Variants in BRF1 observed in about 807,000 individuals in gnomAD.
The protein encoded by BRF1 is BRF1 general transcription factor IIIB subunit.
BRF1 carries 59 observed loss-of-function variants against 81.7 expected under a neutral mutation model. The observed-to-expected ratio is 0.72, with a 90% CI of 0.59 to 0.90. BRF1 has a LOEUF of 0.90. Ranked by LOEUF, BRF1 falls within the 40% of genes least tolerant of loss-of-function variation. The pLI is 0.00. For missense variants in BRF1, 1,050 were observed against 936.3 expected, an observed-to-expected ratio of 1.12 and a Z score of -1.58; for synonymous variants, 491 against 395.6, an observed-to-expected ratio of 1.24 and a Z score of -2.86.
At position 105,219,004 on chromosome 14, in the gene BRF1, T is replaced by C. The variant is rs1478219513; in HGVS notation, c.1509A>G (p.Glu503=). 7.4e-6 allele frequency: 12 copies of C among 1,613,670 alleles called. No homozygotes were observed. Among genetic ancestry groups the C allele is most frequent in the African/African-American group, 4.0e-5 (3 of 74,912 alleles). ...AKEKELGIYK[E]HKPKKSCKRR... is the part of the protein sequence containing the mutation. Reference sequence around the variant, plus strand: ...CAGCGTCACAGGCGCCCACCTTGTGTTCCTTGTAGATGCCGAGCTCCTTCT... The same window carrying C: ...CAGCGTCACAGGCGCCCACCTTGTGCTCCTTGTAGATGCCGAGCTCCTTCT... The change falls in exon 14 of 18, where the codon GAA becomes GAG. Residue 503 remains glutamate, a synonymous_variant. Coordinates refer to ENST00000547530, the MANE Select transcript of BRF1 (RefSeq NM_001519.4).
At chr14:105,281,613 T>A (rs2057108280) in intron 2 of BRF1, among the ~76,000 whole-genome samples, 1 of 152,112 alleles carries the variant, frequency 6.6e-6, no homozygotes, top group South Asian at 2.1e-4. Flanking sequence ...TGACTGCAGC[T>A]CGTGCACCAC....
At position 105,210,791 on chromosome 14, in the gene BRF1, C is replaced by T. The variant is rs866877236; in HGVS notation, c.1997-203G>A. 6.6e-6 allele frequency among the ~76,000 whole-genome samples: 1 copy of T among 152,092 alleles called. No individual in the cohort carries two copies. The highest frequency in any genetic ancestry group is 1.5e-5 in the Non-Finnish European group (1 of 68,016). ...GCACCCAGAGCAGGGCCTTGCTCCTCGTCGAGGGCACCTGAGAGCAGTGTG... is the reference window on the plus strand; with the variant it reads ...GCACCCAGAGCAGGGCCTTGCTCCTTGTCGAGGGCACCTGAGAGCAGTGTG... On this transcript the variant is annotated intron_variant, in intron 17 of 17. Coordinates refer to ENST00000547530, the MANE Select transcript of BRF1 (RefSeq NM_001519.4). This position sits in a 1 kb window ranked among gnomAD's most constrained non-coding sequence, Gnocchi z 4.7.
intron 15 of BRF1, among the ~76,000 whole-genome samples, chr14:105,215,592 G>GCA (rs1187388295): frequency 2.6e-5 from 3 of 115,648 alleles, no homozygotes; most frequent in African/African-American, 6.8e-5. Context: ...AGACACAGGC[G>GCA]CACACACACT....
intron 4 of BRF1, chr14:105,256,259 T>C: frequency 6.5e-7 from 1 of 1,543,772 alleles, no homozygotes; most frequent in Non-Finnish European, 8.7e-7. Context: ...CACCCAGGCC[T>C]AGCTAACACC....
intron 1 of BRF1, among the ~76,000 whole-genome samples, chr14:105,288,363 A>T (rs1164786150): frequency 1.3e-5 from 2 of 151,874 alleles, no homozygotes; most frequent in African/African-American, 4.8e-5. Flanking sequence ...GAGGCAGGAG[A>T]ATCGCTTGAA....
chr14:105,226,891 T>C, intron 7 of BRF1, 131 bp from the exon 8 acceptor site: 1 of 1,392,496 alleles, frequency 7.2e-7, no homozygotes, highest in Non-Finnish European at 9.8e-7. Flanking sequence ...GGTGGATTGC[T>C]TGAGTCCAAG....
chr14:105,263,057 G>A (rs1261891368), intron 3 of BRF1, among the ~76,000 whole-genome samples: 1 of 151,912 alleles, frequency 6.6e-6, no homozygotes, highest in Non-Finnish European at 1.5e-5. Context: ...TGGCCAATAT[G>A]GTGAAACCCT....
At chr14:105,281,243 G>A (rs111346578) in intron 2 of BRF1, among the ~76,000 whole-genome samples, 3 of 142,960 alleles carry the variant, frequency 2.1e-5, no homozygotes, top group African/African-American at 2.6e-5. Flanking sequence ...GAGCCCGGGT[G>A]TGTGGATACA....
intron 4 of BRF1, among the ~76,000 whole-genome samples, chr14:105,253,617 A>C (rs139449584): frequency 7.9e-5 from 12 of 152,318 alleles, no homozygotes; most frequent in African/African-American, 1.2e-4. Context: ...GAGGCAAGAG[A>C]CAGAGGCAAG....
chr14:105,312,821 G>T (rs938168118), intron 1 of BRF1, among the ~76,000 whole-genome samples: 7 of 152,216 alleles, frequency 4.6e-5, no homozygotes, highest in African/African-American at 1.7e-4. Flanking sequence ...GTGGTCGCAG[G>T]CGTGACACAT....
chr14:105,313,236 G>A (rs1025157802), intron 1 of BRF1, among the ~76,000 whole-genome samples: 7 of 152,208 alleles, frequency 4.6e-5, no homozygotes, highest in African/African-American at 9.7e-5. Flanking sequence ...CAGCAGCGCC[G>A]TACGCTCAGT....
intron 16 of BRF1, 85 bp from the exon 17 acceptor site, chr14:105,211,378 C>T: frequency 7.8e-7 from 1 of 1,287,240 alleles, no homozygotes; most frequent in African/African-American, 1.5e-5. Flanking sequence ...AGGGCTGGCC[C>T]AGGATGCTCA....
At chr14:105,248,835 G>A in intron 5 of BRF1, 2 of 989,492 alleles carry the variant, frequency 2.0e-6, no homozygotes, top group Non-Finnish European at 2.4e-6. Context: ...GGCGTCCACA[G>A]GCGCCGAGGC....
chr14:105,257,891 G>A lies in BRF1; in HGVS notation c.440-1342C>T, dbSNP rs2055962428. On this transcript the variant is annotated intron_variant, in intron 3 of 17. Coordinates refer to ENST00000547530, the MANE Select transcript of BRF1 (RefSeq NM_001519.4). ...CAGTGGCCACCAAGGGCTGGGGAAA[G>A]GCAGGGTGGGTGGGCCGAGAGGAGG... 2.6e-5 allele frequency among the ~76,000 whole-genome samples: 4 copies of A among 152,326 alleles called. No individual in the cohort carries two copies. In the South Asian group the frequency reaches 8.3e-4, roughly 32 times the overall value.
Position 105,211,310 on chromosome 14 carries a change from C to A in BRF1, c.1825-17G>T. 6.3e-7 allele frequency: 1 copy of A among 1,575,772 alleles called. No individual in the cohort carries two copies. Among genetic ancestry groups the A allele is most frequent in the South Asian group, 1.2e-5 (1 of 86,636 alleles). On this transcript the variant is annotated splice_polypyrimidine_tract_variant and intron_variant, in intron 16 of 17. Coordinates refer to ENST00000547530, the MANE Select transcript of BRF1 (RefSeq NM_001519.4). ...GAGCAAAGCCTGGAACGAAGTGGGGCTCTGACACACACAGAGCTGGGAGCC... is the reference window on the plus strand; with the variant it reads ...GAGCAAAGCCTGGAACGAAGTGGGGATCTGACACACACAGAGCTGGGAGCC...
intron 5 of BRF1, chr14:105,249,877 C>G: frequency 6.2e-7 from 1 of 1,611,978 alleles, no homozygotes; most frequent in Non-Finnish European, 8.5e-7. Flanking sequence ...CCCTACGGTC[C>G]GAAGGCTTCT....
chr14:105,282,522 G>A (rs1566863054), intron 2 of BRF1, among the ~76,000 whole-genome samples: 1 of 152,298 alleles, frequency 6.6e-6, no homozygotes, highest in Non-Finnish European at 1.5e-5. Context: ...GCGGGACCAG[G>A]GCTGATATGA....
upstream of BRF1, among the ~76,000 whole-genome samples, chr14:105,303,738 G>T (rs890366123): frequency 3.3e-4 from 51 of 152,266 alleles, no homozygotes; most frequent in African/African-American, 1.2e-3. Flanking sequence ...GGATCCAAGG[G>T]TTATTAGGAA....
intron 3 of BRF1, among the ~76,000 whole-genome samples, chr14:105,268,053 C>T (rs2056500909): frequency 6.6e-6 from 1 of 152,258 alleles, no homozygotes; most frequent in Admixed American, 6.5e-5. Flanking sequence ...TGGCACCATC[C>T]ACAGTGCTGG....
Sources: allele counts gnomAD v4.1 joint callset (sites outside exome capture counted in the v4.1 genomes callset), GRCh38; gene constraint gnomAD v4.1.1; non-coding constraint Gnocchi (gnomAD v3.1); transcripts MANE v1.5; gene names NCBI Gene and HGNC (gene_info 2026-07-23, HGNC 2026-07-21).